SPATA7: variants seen among roughly 807,000 people sequenced by gnomAD.
SPATA7 encodes the protein spermatogenesis-associated protein 7.
Under a neutral mutation model 51.8 loss-of-function variants are expected in SPATA7, and 43 were observed. That is an observed-to-expected ratio of 0.83 (90% CI 0.65 to 1.07). SPATA7 has a LOEUF of 1.07. Ranked by LOEUF, SPATA7 falls within the 50% of genes least tolerant of loss-of-function variation. SPATA7 has a pLI of 0.00. For missense variants in SPATA7, 683 were observed against 701.3 expected, an observed-to-expected ratio of 0.97 and a Z score of 0.30; for synonymous variants, 230 against 252.8, an observed-to-expected ratio of 0.91 and a Z score of 0.86.
At chr14:88,410,313 T>C (rs1345413725) in intron 4 of SPATA7, among the ~76,000 whole-genome samples, 2 of 152,244 alleles carry the variant, frequency 1.3e-5, no homozygotes, top group African/African-American at 2.4e-5. Context: ...TTAGCTCTTC[T>C]TGTTGCATTG....
intron 5 of SPATA7, among the ~76,000 whole-genome samples, chr14:88,421,555 G>A (rs1015649931): frequency 6.6e-6 from 1 of 152,164 alleles, no homozygotes; most frequent in Non-Finnish European, 1.5e-5. Flanking sequence ...CAACAGTGGA[G>A]GACAGTTACG....
intron 5 of SPATA7, among the ~76,000 whole-genome samples, chr14:88,419,187 C>T (rs1235091666): frequency 6.6e-6 from 1 of 151,962 alleles, no homozygotes; most frequent in Non-Finnish European, 1.5e-5. Context: ...CCTTGTGGTA[C>T]TATTAATTTT....
downstream of SPATA7, among the ~76,000 whole-genome samples, chr14:88,459,523 A>C (rs1222180608): frequency 1.3e-5 from 2 of 152,128 alleles, no homozygotes; most frequent in Admixed American, 6.5e-5. Flanking sequence ...CTGTTTTATC[A>C]GAGACTAGGA....
chr14:88,437,915 T>C lies in SPATA7; in HGVS notation c.1293T>C (p.Asn431=). The C allele has an allele frequency of 2.5e-6, 4 of 1,611,904 alleles. No homozygotes were observed. The highest frequency in any genetic ancestry group is 3.4e-6 in the Non-Finnish European group (4 of 1,178,786). ...CGGAGGAAAACTCGGTAAAGCAAAA[T>C]GATGTTGATATGTTGAATGTATTTG... ...CTSEENSVKQ[N]DVDMLNVFDF... The change falls in exon 12 of 12, where the codon AAT becomes AAC. Residue 431 remains asparagine (N), a synonymous_variant. Coordinates refer to ENST00000393545, the MANE Select transcript of SPATA7 (RefSeq NM_018418.5).
At chr14:88,438,510 G>A, downstream of SPATA7, 1 of 1,073,002 alleles carries the variant, frequency 9.3e-7, no homozygotes, top group Non-Finnish European at 1.4e-6. Context: ...TTCTCTATTG[G>A]TTTTCTGTGC....
downstream of SPATA7, among the ~76,000 whole-genome samples, chr14:88,440,616 A>T (rs1161866564): frequency 6.6e-6 from 1 of 152,090 alleles, no homozygotes; most frequent in Non-Finnish European, 1.5e-5. Context: ...CCATCAACTG[A>T]GGCTGAGAGG....
At chr14:88,415,148 C>A in intron 4 of SPATA7, 1 of 230,882 alleles carries the variant, frequency 4.3e-6, no homozygotes, top group Admixed American at 4.1e-5. Flanking sequence ...CTAACACTGC[C>A]AGTGGGATGT....
chr14:88,469,557 G>A lies in SPATA7; in HGVS notation c.255-290G>A, dbSNP rs1399398830. Reference sequence around the variant, plus strand: ...GTTCAGGCCAGTCTGTGTATTGGAGGTGCCAGACGGTCCTCTCTTGCCCAG... The same window carrying A: ...GTTCAGGCCAGTCTGTGTATTGGAGATGCCAGACGGTCCTCTCTTGCCCAG... On this transcript the variant is annotated intron_variant, in intron 4 of 4. Transcript: ENST00000556406. The surrounding 1 kb of genome is among the most constrained non-coding windows in gnomAD (Gnocchi z 4.3). 3.1e-6 allele frequency: 5 copies of A among 1,614,044 alleles called. No homozygotes were observed. The Admixed American group carries it at 5.0e-5, about 16-fold the overall frequency.
Position 88,469,642 on chromosome 14 carries a change from C to T in SPATA7, c.255-205C>T, listed in dbSNP as rs376371612. On this transcript the variant is annotated intron_variant, in intron 4 of 4. Transcript: ENST00000556406. This position sits in a 1 kb window ranked among gnomAD's most constrained non-coding sequence, Gnocchi z 4.3. ...ATAGCAGCCAGAGTCTGTGCGGAAC[C>T]GGGTCGTGATCTTAAACCTTCCATA... is the stretch of plus-strand genomic sequence containing the variant. The T allele has an allele frequency of 2.9e-5, 46 of 1,613,994 alleles. No individual in the cohort carries two copies. The Middle Eastern group carries it at 4.9e-4, about 17-fold the overall frequency.
intron 11 of SPATA7, 91 bp from the exon 12 acceptor site, chr14:88,437,747 A>G (rs1461384332): frequency 1.4e-6 from 2 of 1,397,060 alleles, no homozygotes; most frequent in Non-Finnish European, 1.9e-6. Context: ...AGTGAAAGGA[A>G]AAGTATTAAT....
intron 4 of SPATA7, among the ~76,000 whole-genome samples, chr14:88,398,754 T>A (rs1407590353): frequency 6.6e-6 from 1 of 152,142 alleles, no homozygotes; most frequent in Non-Finnish European, 1.5e-5. Context: ...CATTTCTACA[T>A]TAAAAAAGTA....
Position 88,385,848 on chromosome 14 carries a change from G to C in SPATA7, c.19+11G>C. ...ATGGCAGCCGGAGAGGTAAAGGGCA[G>C]CTGTCAGGGGCTACCGCCGCCTCGC... On this transcript the variant is annotated intron_variant, in intron 1 of 11. Transcript: ENST00000393545. 1 of 1,599,012 alleles carries C rather than the reference G, an allele frequency of 6.3e-7. No individual in the cohort carries two copies. The highest frequency in any genetic ancestry group is 8.5e-7 in the Non-Finnish European group (1 of 1,173,628).
chr14:88,466,350 T>C (rs2077363252), intron 4 of SPATA7: 1 of 152,212 alleles, frequency 6.6e-6, no homozygotes, highest in African/African-American at 2.4e-5. Flanking sequence ...TAATATCTTC[T>C]GAGTTTTCCT....
intron 3 of SPATA7, among the ~76,000 whole-genome samples, chr14:88,446,919 T>C (rs1312815224): frequency 7.2e-5 from 11 of 152,226 alleles, no homozygotes; most frequent in Admixed American, 6.5e-4. Flanking sequence ...TGGTCAATTT[T>C]GGAATAGGTG....
intron 4 of SPATA7, chr14:88,465,864 C>T (rs767910853): frequency 9.9e-5 from 15 of 152,092 alleles, no homozygotes; most frequent in Non-Finnish European, 1.5e-4. Flanking sequence ...TTAGGAATGA[C>T]GCCAAACATG....
chr14:88,423,332 G>GT (rs2076695258), intron 5 of SPATA7, among the ~76,000 whole-genome samples: 2 of 140,614 alleles, frequency 1.4e-5, no homozygotes, highest in Middle Eastern at 3.8e-3. Flanking sequence ...GAGCCCAGGA[G>GT]TTTGAGACCA....
chr14:88,420,348 C>T lies in SPATA7; in HGVS notation c.372+3504C>T, dbSNP rs1230999769. ...AATCTTATCAATTTATGTGGCATTC[C>T]ATGGCATCTTTCCCAAGTAAGCAAG... is the stretch of plus-strand genomic sequence containing the variant. On this transcript the variant is annotated intron_variant, in intron 5 of 11. Transcript: ENST00000393545. 5.9e-5 allele frequency among the ~76,000 whole-genome samples: 9 copies of T among 152,200 alleles called. No homozygotes were observed. The East Asian group carries it at 1.5e-3, about 26-fold the overall frequency.
intron 3 of SPATA7, chr14:88,455,032 A>G: frequency 2.2e-6 from 1 of 455,794 alleles, no homozygotes; most frequent in South Asian, 1.6e-5. Context: ...GATCTGGGTC[A>G]AGGCTCAAGA....
At chr14:88,435,344 A>G (rs1349946966) in intron 10 of SPATA7, among the ~76,000 whole-genome samples, 1 of 152,168 alleles carries the variant, frequency 6.6e-6, no homozygotes, top group Non-Finnish European at 1.5e-5. Context: ...GGTACATGAG[A>G]TGTTTTGATA....
Sources: allele counts gnomAD v4.1 joint callset (sites outside exome capture counted in the v4.1 genomes callset), GRCh38; gene constraint gnomAD v4.1.1; non-coding constraint Gnocchi (gnomAD v3.1); transcripts MANE v1.5; gene names NCBI Gene and HGNC (gene_info 2026-07-23, HGNC 2026-07-21).